TRERF1: variants seen among roughly 807,000 people sequenced by gnomAD.
TRERF1 encodes transcriptional regulating factor 1.
Under a neutral mutation model 122.9 loss-of-function variants are expected in TRERF1, and 27 were observed. The ratio of observed to expected loss-of-function variants is 0.22; its 90% CI spans 0.16 to 0.30. The LOEUF (loss-of-function observed/expected upper bound fraction) is 0.30, where lower values mean the gene tolerates loss of function less well. TRERF1 is among the 10% of genes least tolerant of loss of function. The pLI is 1.00. For synonymous variants in TRERF1, 636 were observed against 641.7 expected, an observed-to-expected ratio of 0.99 and a Z score of 0.13; for missense variants, 1,248 against 1,560.3, an observed-to-expected ratio of 0.80 and a Z score of 3.37.
At chr6:42,239,414 C>T (rs944487853) in intron 15 of TRERF1, among the ~76,000 whole-genome samples, 2 of 152,176 alleles carry the variant, frequency 1.3e-5, no homozygotes, top group Non-Finnish European at 1.5e-5. Context: ...CCCATCTTGG[C>T]TCCCTGCCTC....
At chr6:42,327,764 C>G (rs899465649) in intron 3 of TRERF1, among the ~76,000 whole-genome samples, 6 of 152,114 alleles carry the variant, frequency 3.9e-5, no homozygotes, top group African/African-American at 1.4e-4. Context: ...TTTTAGAAGA[C>G]TCTTCTGAGG....
At chr6:42,333,215 T>C (rs577890727) in intron 3 of TRERF1, among the ~76,000 whole-genome samples, 83 of 152,330 alleles carry the variant, frequency 5.4e-4, no homozygotes, top group African/African-American at 1.9e-3. Flanking sequence ...AATCAGCAAA[T>C]GAAAATGTAT....
At position 42,329,322 on chromosome 6, in the gene TRERF1, C is replaced by T. The variant is rs373328215; in HGVS notation, c.-370-28573G>A. Among the ~76,000 whole-genome samples, 6 of 151,954 alleles carry T rather than the reference C, an allele frequency of 3.9e-5. No homozygotes were observed. In the East Asian group the frequency reaches 9.8e-4, roughly 25 times the overall value. ...GGGTGGGGGCTTGCTGAGATGACAG[C>T]CATGCTCATCCCCATCATGCCCCCT... On this transcript the variant is annotated intron_variant, in intron 3 of 17. Coordinates refer to ENST00000372922, the Ensembl canonical transcript of TRERF1.
intron 5 of TRERF1, 47 bp from the exon 6 acceptor site, chr6:42,265,844 C>T (rs371102348): frequency 3.1e-5 from 50 of 1,597,940 alleles, no homozygotes; most frequent in Middle Eastern, 1.7e-4. Context: ...GAGAAAAAAA[C>T]GTGTTCTGAA....
chr6:42,278,058 T>G (rs1181355310), intron 4 of TRERF1, among the ~76,000 whole-genome samples: 1 of 152,166 alleles, frequency 6.6e-6, no homozygotes, highest in Admixed American at 6.5e-5. Context: ...CTCTCTGGAC[T>G]TCAGTCATGG....
intron 3 of TRERF1, among the ~76,000 whole-genome samples, chr6:42,325,479 A>C (rs1342196731): frequency 6.6e-6 from 1 of 152,238 alleles, no homozygotes; most frequent in Non-Finnish European, 1.5e-5. Context: ...AGCATTCTTC[A>C]TAATAGCAAA....
intron 2 of TRERF1, among the ~76,000 whole-genome samples, chr6:42,367,783 G>C (rs1368408428): frequency 6.6e-6 from 1 of 152,170 alleles, no homozygotes; most frequent in Non-Finnish European, 1.5e-5. Context: ...CCTGGTGACT[G>C]AGGTGTATAG....
At chr6:42,237,889 T>C (rs1314161560) in intron 15 of TRERF1, among the ~76,000 whole-genome samples, 9 of 152,360 alleles carry the variant, frequency 5.9e-5, no homozygotes. Context: ...ATACTTGCGA[T>C]GCAGTATGAA....
At chr6:42,390,878 C>T (rs537170422) in intron 2 of TRERF1, among the ~76,000 whole-genome samples, 3 of 152,144 alleles carry the variant, frequency 2.0e-5, no homozygotes, top group East Asian at 1.9e-4. Flanking sequence ...AAGAAATACA[C>T]GAGCCGGCTC....
At chr6:42,328,530 T>C (rs1380284649) in intron 3 of TRERF1, among the ~76,000 whole-genome samples, 1 of 152,150 alleles carries the variant, frequency 6.6e-6, no homozygotes, top group Non-Finnish European at 1.5e-5. Context: ...CCAGTGTCTG[T>C]TGTTCCTCTC....
rs1374490368 is a variant in TRERF1, at chr6:42,243,379, T to A, written c.2746-18A>T. On this transcript the variant is annotated intron_variant, in intron 14 of 17. Coordinates refer to ENST00000372922, the Ensembl canonical transcript of TRERF1. The stretch of plus-strand genomic sequence containing the variant: ...GACTTCACCTGCCGGGAAAGCGAAC[T>A]CAAGGTTAGCTCCAGCAATGGGCAG... The A allele has an allele frequency of 1.9e-6, 3 of 1,580,654 alleles. No individual in the cohort carries two copies.
At chr6:42,262,601 C>CGGAGAGAGAGTGAGTGAGAGAGAG (rs1778364016) in intron 8 of TRERF1, among the ~76,000 whole-genome samples, 1 of 59,132 alleles carries the variant, frequency 1.7e-5, no homozygotes, top group African/African-American at 8.2e-5. Context: ...GAGAGAGAGA[C>CGGAGAGAGAGTGAGTGAGAGAGAG]AGACAGACGG....
chr6:42,391,133 GGTATT>G (rs1240623446), intron 2 of TRERF1, among the ~76,000 whole-genome samples: 7 of 152,156 alleles, frequency 4.6e-5, no homozygotes, highest in African/African-American at 1.7e-4. Flanking sequence ...CAGGAGACCA[GGTATT>G]GGATCCCAGT....
At chr6:42,442,777 C>A (rs1314391197) in intron 2 of TRERF1, among the ~76,000 whole-genome samples, 2 of 152,198 alleles carry the variant, frequency 1.3e-5, no homozygotes, top group Non-Finnish European at 2.9e-5. Context: ...TACATATATT[C>A]TGTACCACAT....
chr6:42,296,436 C>G (rs949607644), intron 4 of TRERF1, among the ~76,000 whole-genome samples: 12 of 152,172 alleles, frequency 7.9e-5, no homozygotes, highest in Admixed American at 1.3e-4. Flanking sequence ...TATGAACCAC[C>G]ACTGACCAAG....
intron 2 of TRERF1, among the ~76,000 whole-genome samples, chr6:42,434,848 C>T (rs1378585092): frequency 6.6e-6 from 1 of 152,028 alleles, no homozygotes; most frequent in Non-Finnish European, 1.5e-5. Context: ...AAACAATGGG[C>T]CGGGTGTGGT....
At chr6:42,360,771 TAAAAAAAAAA>T (rs55924002) in intron 3 of TRERF1, among the ~76,000 whole-genome samples, 2 of 36,418 alleles carry the variant, frequency 5.5e-5, no homozygotes, top group Non-Finnish European at 1.0e-4. Flanking sequence ...GTGGAGAGAT[TAAAAAAAAAA>T]AAAAAAAAAA....
chr6:42,392,591 A>G (rs1023750684), intron 2 of TRERF1, among the ~76,000 whole-genome samples: 1 of 152,174 alleles, frequency 6.6e-6, no homozygotes, highest in African/African-American at 2.4e-5. Flanking sequence ...GGCCTGAGCC[A>G]TGGGCCTGCA....
chr6:42,258,361 T>C (rs1777142956), intron 9 of TRERF1, among the ~76,000 whole-genome samples, 160 bp from the exon 10 acceptor site: 1 of 152,234 alleles, frequency 6.6e-6, no homozygotes, highest in Admixed American at 6.5e-5. Context: ...GGGTGGAGTA[T>C]GGTGCAAAAT....
Sources: allele counts gnomAD v4.1 joint callset (sites outside exome capture counted in the v4.1 genomes callset), GRCh38; gene constraint gnomAD v4.1.1; transcripts MANE v1.5; gene names NCBI Gene and HGNC (gene_info 2026-07-23, HGNC 2026-07-21).